The following LARP6 variants were observed in gnomAD, a reference collection of about 807,000 sequenced individuals.
LARP6 encodes the protein la-related protein 6.
In LARP6, 18 loss-of-function variants were observed where a neutral mutation model predicts 32.8. The observed-to-expected ratio is 0.55, with a 90% CI of 0.38 to 0.81. The LOEUF is 0.81. LARP6 is among the 40% of genes least tolerant of loss of function. LARP6 has a pLI of 0.00. For missense variants in LARP6, 598 were observed against 663.1 expected, an observed-to-expected ratio of 0.90 and a Z score of 1.08; for synonymous variants, 289 against 267.2, an observed-to-expected ratio of 1.08 and a Z score of -0.80.
Position 70,832,738 on chromosome 15 carries a change from C to T in LARP6, c.790G>A (p.Glu264Lys), listed in dbSNP as rs2032074704. 2 of 1,596,160 alleles carry T rather than the reference C, an allele frequency of 1.3e-6. No individual in the cohort carries two copies. The highest frequency in any genetic ancestry group is 1.7e-6 in the Non-Finnish European group (2 of 1,173,156). ...GTQECAIVEF[E>K]EVEAAIKAHE... ...GCTTTGATGGCTGCTTCCACCTCCTCGAACTCCACGATGGCGCACTCCTGG... is the reference window on the plus strand; with the variant it reads ...GCTTTGATGGCTGCTTCCACCTCCTTGAACTCCACGATGGCGCACTCCTGG... The change falls in exon 3 of 3, where the codon GAG becomes AAG. Residue 264 changes from glutamate to lysine, a missense_variant. Physicochemically the swap from Glu to Lys is moderately conservative, Grantham distance 56. Around this residue, in one of 3 missense-constraint regions of LARP6, gnomAD observed 368 missense variants for 397.9 expected, o/e 0.92. Transcript: ENST00000299213.
At chr15:70,847,461 C>T (rs553864711) in intron 1 of LARP6, among the ~76,000 whole-genome samples, 59 of 152,072 alleles carry the variant, frequency 3.9e-4, no homozygotes, top group African/African-American at 1.4e-3. Context: ...CCTCTGCCTC[C>T]TGGGTTCAAG....
chr15:70,830,922 A>C lies in LARP6; in HGVS notation c.*1130T>G, dbSNP rs1261288632. The stretch of plus-strand genomic sequence containing the variant: ...CATTCCAGACATGGACATCGTAACA[A>C]AGCAATTCACAGGGAGATGATGAGG... On this transcript the variant is annotated 3_prime_UTR_variant, in exon 3 of 3. Coordinates refer to ENST00000299213, the MANE Select transcript of LARP6 (RefSeq NM_018357.4). The C allele has an allele frequency of 6.6e-6, 1 of 152,190 alleles. No individual in the cohort carries two copies. The highest frequency in any genetic ancestry group is 2.4e-5 in the African/African-American group (1 of 41,442). The allele number at this position is 152,190 out of a possible 1,614,324, so 9.4% of individuals were successfully genotyped here.
At chr15:70,848,013 T>G (rs1161159952) in intron 1 of LARP6, among the ~76,000 whole-genome samples, 1 of 152,072 alleles carries the variant, frequency 6.6e-6, no homozygotes, top group Admixed American at 6.6e-5. Flanking sequence ...TTGACTCACC[T>G]CTAGAACAAG....
At chr15:70,845,333 GT>G (rs2032326513) in intron 1 of LARP6, among the ~76,000 whole-genome samples, 1 of 152,094 alleles carries the variant, frequency 6.6e-6, no homozygotes, top group Non-Finnish European at 1.5e-5. Context: ...AGTTTTCCTT[GT>G]TTTTGATGAC....
At chr15:70,838,912 C>CACAAAAAAAAAAAAAAAAAA (rs10634375) in intron 1 of LARP6, among the ~76,000 whole-genome samples, 1 of 102,908 alleles carries the variant, frequency 9.7e-6, no homozygotes, top group Non-Finnish European at 1.9e-5. Context: ...CTCAGCCTCA[C>CACAAAAAAAAAAAAAAAAAA]AAAAAAAAAA....
At position 70,831,594 on chromosome 15, in the gene LARP6, G is replaced by A. The variant is rs1422423166; in HGVS notation, c.*458C>T. On this transcript the variant is annotated 3_prime_UTR_variant, in exon 3 of 3. Transcript: ENST00000299213. ...TTTACTTGACAGGTAACATCGATTT[G>A]GTCCTACAAGACACCATGCTATAGG... The A allele has an allele frequency of 6.6e-6, 1 of 152,362 alleles. No individual in the cohort carries two copies. 9.4% of individuals were successfully genotyped at this position (152,362 alleles called of 1,614,324 possible). A position where few individuals can be genotyped will look rare whatever the true frequency, so the allele number is the denominator to read the frequency against.
chr15:70,854,048 G>A lies in LARP6; in HGVS notation c.41C>T (p.Thr14Met). 1 of 1,428,742 alleles carries A rather than the reference G, an allele frequency of 7.0e-7. No individual in the cohort carries two copies. Among genetic ancestry groups the A allele is most frequent in the Admixed American group, 2.5e-5 (1 of 39,584 alleles). The allele number at this position is 1,428,742 out of a possible 1,614,324, so 88.5% of individuals were successfully genotyped here. Reference sequence around the variant, plus strand: ...GATGGCGACGCGGATCTGCACCGCCGTCTTGGGCCCGGGCCGAGCCTCCCC... The same window carrying A: ...GATGGCGACGCGGATCTGCACCGCCATCTTGGGCCCGGGCCGAGCCTCCCC... ...SGGEARPGPK[T>M]AVQIRVAIQE... is the part of the protein sequence containing the mutation. Residue 14 changes from threonine (T) to methionine (M), a missense_variant, in exon 1 of 3, where the codon ACG becomes ATG. By Grantham distance (81) the Thr-to-Met change is moderately conservative. Coordinates refer to ENST00000299213, the MANE Select transcript of LARP6 (RefSeq NM_018357.4).
intron 1 of LARP6, chr15:70,853,675 G>A: frequency 2.9e-6 from 1 of 342,262 alleles, no homozygotes; most frequent in Non-Finnish European, 5.2e-6. Context: ...AGCCCTGGGA[G>A]CCTCGGTTGG....
Position 70,836,519 on chromosome 15 carries a change from G to A in LARP6, c.201-14C>T. ...GCAGTGGTGCCACTGAGACCAGAAG[G>A]AGACACCGGGTGTTAGGGTCAACGT... On this transcript the variant is annotated splice_polypyrimidine_tract_variant and intron_variant, in intron 1 of 2. Transcript: ENST00000299213. 6.2e-7 allele frequency: 1 copy of A among 1,610,532 alleles called. No homozygotes were observed. The highest frequency in any genetic ancestry group is 8.5e-7 in the Non-Finnish European group (1 of 1,176,720).
chr15:70,842,711 T>C (rs890201010), intron 1 of LARP6, among the ~76,000 whole-genome samples: 6 of 152,124 alleles, frequency 3.9e-5, no homozygotes, highest in Non-Finnish European at 7.4e-5. Flanking sequence ...CCATAATGTA[T>C]TGGGGGTGAC....
chr15:70,853,795 C>G, intron 1 of LARP6, 94 bp downstream of exon 1: 1 of 959,464 alleles, frequency 1.0e-6, no homozygotes, highest in African/African-American at 1.7e-5. Flanking sequence ...ACCCCCTCTG[C>G]CCGAGGAGTT....
intron 2 of LARP6, 126 bp downstream of exon 2, chr15:70,836,169 C>T: frequency 2.7e-6 from 2 of 731,548 alleles, no homozygotes; most frequent in Admixed American, 2.7e-5. Context: ...TTCTCTTTTT[C>T]AGGCACAGAC....
rs10634375 is a variant in LARP6 at position 70,838,912 on chromosome 15, C to CACAAAAAAAAAAA, written c.201-2408_201-2407insTTTTTTTTTTTGT. On this transcript the variant is annotated intron_variant, in intron 1 of 2. Coordinates refer to ENST00000299213, the MANE Select transcript of LARP6 (RefSeq NM_018357.4). ...AAATTTTCACTGGCTCTCAGCCTCACAAAAAAAAAAAAAAAGAAAAGAAGC... is the reference window on the plus strand; with the variant it reads ...AAATTTTCACTGGCTCTCAGCCTCACACAAAAAAAAAAAAAAAAAAAAAAAAAAGAAAAGAAGC... Among the ~76,000 whole-genome samples the CACAAAAAAAAAAA allele has an allele frequency of 5.8e-5, 6 of 102,866 alleles. 1 individual carries two copies. The highest frequency in any genetic ancestry group is 4.6e-5 in the African/African-American group (1 of 21,906). The allele number at this position is 102,866 out of a possible 152,430, so 67.5% of individuals were successfully genotyped here.
At chr15:70,841,206 C>T (rs2032252086) in intron 1 of LARP6, among the ~76,000 whole-genome samples, 1 of 152,320 alleles carries the variant, frequency 6.6e-6, no homozygotes, top group African/African-American at 2.4e-5. Context: ...AGCCACCGCG[C>T]CCGGCCGGGC....
intron 2 of LARP6, among the ~76,000 whole-genome samples, chr15:70,833,640 G>T (rs2032095968): frequency 6.6e-6 from 1 of 152,202 alleles, no homozygotes; most frequent in African/African-American, 2.4e-5. Flanking sequence ...ATAGTGTCTA[G>T]CTCACAGTGA....
At chr15:70,845,813 G>A (rs536400530) in intron 1 of LARP6, among the ~76,000 whole-genome samples, 1 of 152,366 alleles carries the variant, frequency 6.6e-6, no homozygotes. Context: ...CATGCCAAGT[G>A]GCAGGCTTCA....
intron 1 of LARP6, chr15:70,849,228 G>C (rs2032403050): frequency 6.6e-6 from 1 of 152,072 alleles, no homozygotes; most frequent in Non-Finnish European, 1.5e-5. Context: ...ATAGTGGCAG[G>C]CGCCTGTAAT....
chr15:70,835,896 T>A (rs1228094823), intron 2 of LARP6, among the ~76,000 whole-genome samples: 4 of 152,226 alleles, frequency 2.6e-5, no homozygotes, highest in African/African-American at 9.6e-5. Flanking sequence ...CTCCCTTTGC[T>A]TATTCAACTT....
rs774920125 is a variant in LARP6, at chr15:70,829,860, G to A, written c.*2192C>T. Reference sequence around the variant, plus strand: ...ATTTTTAAAAGTAACTATGATCCACGAGGGTTAATCTAAAAATAGAGCTGT... The same window carrying A: ...ATTTTTAAAAGTAACTATGATCCACAAGGGTTAATCTAAAAATAGAGCTGT... On this transcript the variant is annotated 3_prime_UTR_variant, in exon 3 of 3. Coordinates refer to ENST00000299213, the MANE Select transcript of LARP6 (RefSeq NM_018357.4). 1.3e-5 allele frequency: 2 copies of A among 152,250 alleles called. No individual in the cohort carries two copies. The highest frequency in any genetic ancestry group is 4.1e-4 in the South Asian group (2 of 4,832). The allele number at this position is 152,250 out of a possible 1,614,324, so 9.4% of individuals were successfully genotyped here.
Sources: allele counts gnomAD v4.1 joint callset (sites outside exome capture counted in the v4.1 genomes callset), GRCh38; gene constraint gnomAD v4.1.1; regional missense constraint gnomAD v4.1.1; transcripts MANE v1.5; gene names NCBI Gene and HGNC (gene_info 2026-07-23, HGNC 2026-07-21).